Variants in SYNJ1 observed in about 807,000 individuals in gnomAD.
SYNJ1 encodes synaptojanin 1.
In SYNJ1, 78 loss-of-function variants were observed where a neutral mutation model predicts 168.2. The ratio of observed to expected loss-of-function variants is 0.46; its 90% CI spans 0.39 to 0.56. The LOEUF is 0.56. Among genes scored for constraint, SYNJ1 ranks in the 20% least tolerant of loss-of-function variants. The probability of loss-of-function intolerance (pLI) is 0.00; values close to 1 mark genes in which losing one functional copy is unlikely to be tolerated. For missense variants in SYNJ1, 1,303 were observed against 1,597.6 expected (o/e 0.82, Z 3.14); for synonymous variants, 539 against 548.6 (o/e 0.98, Z 0.24).
Position 32,656,714 on chromosome 21 carries a change from G to T in SYNJ1, c.2768C>A (p.Ala923Glu). ...ALIDELLQQF[A>E]SFGEVILIRF... ...TATAAGTATAACTTCACCAAAACTTGCAAACTGCTGCAGAAGCTCATCAAT... is the reference window on the plus strand; with the variant it reads ...TATAAGTATAACTTCACCAAAACTTTCAAACTGCTGCAGAAGCTCATCAAT... Residue 923 changes from alanine to glutamate, a missense_variant, in exon 21 of 33, where the codon GCA becomes GAA. Ala to Glu is a moderately radical substitution (Grantham distance 107). Transcript: ENST00000674351. 8.7e-6 allele frequency: 14 copies of T among 1,613,570 alleles called. No individual in the cohort carries two copies. Among genetic ancestry groups the T allele is most frequent in the Non-Finnish European group, 1.2e-5 (14 of 1,179,818 alleles).
chr21:32,688,471 C>T (rs1194756611), intron 6 of SYNJ1, 104 bp from the exon 7 acceptor site: 6 of 882,482 alleles, frequency 6.8e-6, no homozygotes, highest in South Asian at 2.0e-5. Context: ...AACACACAGT[C>T]GTTAATCAAA....
At chr21:32,678,921 A>T in intron 11 of SYNJ1, 120 bp from the exon 12 acceptor site, 1 of 1,341,426 alleles carries the variant, frequency 7.5e-7, no homozygotes, top group Non-Finnish European at 1.0e-6. Flanking sequence ...AAAGGACCTA[A>T]TCGTTCTATT....
At chr21:32,637,635 T>C (rs1378965199) in intron 31 of SYNJ1, among the ~76,000 whole-genome samples, 2 of 152,124 alleles carry the variant, frequency 1.3e-5, no homozygotes, top group Non-Finnish European at 2.9e-5. Flanking sequence ...AGGCTGGTCT[T>C]GAATTCCTGA....
In SYNJ1 at chr21:32,628,827, G is replaced by A. The variant is rs937900281; in HGVS notation, c.*2978C>T. ...CACAGGATATGTACAGAATGTCTGT[G>A]TACCACTGACTTTAATACTGTACTT... On this transcript the variant is annotated 3_prime_UTR_variant, in exon 33 of 33. Coordinates refer to ENST00000674351, the MANE Select transcript of SYNJ1 (RefSeq NM_203446.3). The A allele has an allele frequency of 1.3e-5, 2 of 152,574 alleles. No individual in the cohort carries two copies. Among genetic ancestry groups the A allele is most frequent in the African/African-American group, 4.8e-5 (2 of 41,432 alleles). 9.5% of individuals were successfully genotyped at this position (152,574 alleles called of 1,614,324 possible). A position where few individuals can be genotyped will look rare whatever the true frequency, so the allele number is the denominator to read the frequency against.
intron 2 of SYNJ1, among the ~76,000 whole-genome samples, chr21:32,706,098 G>A (rs550249684): frequency 2.0e-5 from 3 of 152,332 alleles, no homozygotes; most frequent in Non-Finnish European, 2.9e-5. Context: ...ACTCCTGCCA[G>A]AGGTGAATAA....
intron 32 of SYNJ1, among the ~76,000 whole-genome samples, chr21:32,633,106 A>G (rs1044255537): frequency 2.4e-4 from 36 of 152,190 alleles, no homozygotes; most frequent in African/African-American, 8.0e-4. Context: ...CAAAACAGAT[A>G]CACTATTAGT....
At chr21:32,640,688 C>T (rs552688041) in intron 29 of SYNJ1, among the ~76,000 whole-genome samples, 6 of 151,736 alleles carry the variant, frequency 4.0e-5, no homozygotes, top group South Asian at 2.1e-4. Flanking sequence ...TAGTCCCCTG[C>T]GTAGCTGGGA....
At chr21:32,645,581 C>T in intron 25 of SYNJ1, 65 bp downstream of exon 25, 1 of 1,439,980 alleles carries the variant, frequency 6.9e-7, no homozygotes, top group Non-Finnish European at 9.1e-7. Context: ...GGAAAACATG[C>T]AAAACATTTT....
intron 13 of SYNJ1, 30 bp from the exon 14 acceptor site, chr21:32,673,561 A>C: frequency 6.5e-7 from 1 of 1,546,102 alleles, no homozygotes; most frequent in Non-Finnish European, 8.7e-7. Context: ...ATAGAATTTT[A>C]GCTGCATCAA....
Position 32,657,743 on chromosome 21 carries a change from T to G in SYNJ1, c.2434A>C (p.Arg812=). The G allele has an allele frequency of 6.2e-7, 1 of 1,607,314 alleles. No homozygotes were observed. The highest frequency in any genetic ancestry group is 8.5e-7 in the Non-Finnish European group (1 of 1,178,156). The change falls in exon 19 of 33, where the codon AGG becomes CGG. Residue 812 remains arginine, a synonymous_variant. Transcript: ENST00000674351. ...PAWTDRVLWR[R]RKWPFDRSAE... ...GATCTATCAAAAGGCCATTTCCTCCTTCTCCAAAGGACACGGTCTGTCCAG... is the reference window on the plus strand; with the variant it reads ...GATCTATCAAAAGGCCATTTCCTCCGTCTCCAAAGGACACGGTCTGTCCAG...
intron 32 of SYNJ1, among the ~76,000 whole-genome samples, chr21:32,632,125 T>TA (rs1449735755): frequency 6.6e-6 from 1 of 152,216 alleles, no homozygotes. Context: ...TGCCCAGTTC[T>TA]ATCACATTTC....
chr21:32,719,232 T>C (rs558316538), intron 2 of SYNJ1, among the ~76,000 whole-genome samples: 52 of 152,394 alleles, frequency 3.4e-4, no homozygotes, highest in African/African-American at 1.2e-3. Flanking sequence ...TCTCAACACA[T>C]GCTGGAAACC....
chr21:32,676,573 T>C (rs1408562259), intron 12 of SYNJ1, among the ~76,000 whole-genome samples: 3 of 152,228 alleles, frequency 2.0e-5, no homozygotes, highest in Non-Finnish European at 4.4e-5. Context: ...AGTGACTCAG[T>C]GATATCCACC....
At chr21:32,694,964 T>C in intron 5 of SYNJ1, 93 bp downstream of exon 5, 1 of 1,241,862 alleles carries the variant, frequency 8.1e-7, no homozygotes, top group South Asian at 1.5e-5. Context: ...GATGTTAAAA[T>C]AAGCTCCGAA....
chr21:32,698,774 A>T (rs1374680709), intron 4 of SYNJ1, among the ~76,000 whole-genome samples: 1 of 152,186 alleles, frequency 6.6e-6, no homozygotes, highest in East Asian at 1.9e-4. Context: ...GTCCCAGTAT[A>T]CTACTTCTTC....
intron 2 of SYNJ1, among the ~76,000 whole-genome samples, chr21:32,719,029 T>A (rs529889888): frequency 3.9e-5 from 6 of 152,224 alleles, no homozygotes; most frequent in Non-Finnish European, 7.3e-5. Context: ...GGTAGGACTA[T>A]GTCATTGGGG....
chr21:32,666,208 T>G, intron 16 of SYNJ1, 73 bp from the exon 17 acceptor site: 1 of 1,501,348 alleles, frequency 6.7e-7, no homozygotes, highest in Non-Finnish European at 9.0e-7. Flanking sequence ...ATGAGGAATA[T>G]ACATAATCAT....
intron 8 of SYNJ1, among the ~76,000 whole-genome samples, 183 bp downstream of exon 8, chr21:32,686,795 C>T (rs1395577627): frequency 6.6e-6 from 1 of 152,184 alleles, no homozygotes; most frequent in Non-Finnish European, 1.5e-5. Context: ...ATCCCAATTT[C>T]AGCAACATTA....
intron 15 of SYNJ1, among the ~76,000 whole-genome samples, chr21:32,667,237 A>G (rs1412871587): frequency 6.6e-6 from 1 of 152,176 alleles, no homozygotes; most frequent in African/African-American, 2.4e-5. Flanking sequence ...CATATATGTG[A>G]CTATATGTGC....
Sources: allele counts gnomAD v4.1 joint callset (sites outside exome capture counted in the v4.1 genomes callset), GRCh38; gene constraint gnomAD v4.1.1; transcripts MANE v1.5; gene names NCBI Gene and HGNC (gene_info 2026-07-23, HGNC 2026-07-21).